ABLIM1: variants seen among roughly 807,000 people sequenced by gnomAD.
The protein encoded by ABLIM1 is actin-binding LIM protein 1.
Under a neutral mutation model 107.0 loss-of-function variants are expected in ABLIM1, and 40 were observed. The ratio of observed to expected loss-of-function variants is 0.37; its 90% CI spans 0.29 to 0.49. The LOEUF (loss-of-function observed/expected upper bound fraction) is 0.49, where lower values mean the gene tolerates loss of function less well. ABLIM1 is among the 20% of genes least tolerant of loss of function. ABLIM1 has a pLI of 0.97. For missense variants in ABLIM1, 857 were observed against 1,008.5 expected (o/e 0.85, Z 2.04); for synonymous variants, 357 against 357.3 (o/e 1.00, Z 0.01).
At chr10:114,779,043 A>G in the ABLIM1 span, 2 of 152,208 alleles carry the variant, frequency 1.3e-5, no homozygotes, top group South Asian at 4.1e-4. Flanking sequence ...CCTCATCTTC[A>G]GGGCTGTTTG....
At chr10:114,558,044 C>T (rs2069032932) in intron 4 of ABLIM1, among the ~76,000 whole-genome samples, 1 of 152,182 alleles carries the variant, frequency 6.6e-6, no homozygotes, top group Admixed American at 6.5e-5. Flanking sequence ...CTCCCATCTC[C>T]TTGGCTGAAG....
chr10:114,455,207 A>G (rs2062588368), intron 12 of ABLIM1, among the ~76,000 whole-genome samples: 1 of 152,204 alleles, frequency 6.6e-6, no homozygotes, highest in African/African-American at 2.4e-5. Context: ...TATTCCAAAT[A>G]TGGGATCTGT....
intron 3 of ABLIM1, among the ~76,000 whole-genome samples, chr10:114,574,596 C>T (rs1046942110): frequency 3.3e-5 from 5 of 152,008 alleles, no homozygotes; most frequent in Admixed American, 1.3e-4. Flanking sequence ...CCTGCCACCT[C>T]GCCTGGCTAA....
upstream of ABLIM1, among the ~76,000 whole-genome samples, chr10:114,687,903 A>C (rs2080980085): frequency 1.3e-5 from 2 of 151,758 alleles, no homozygotes; most frequent in Non-Finnish European, 2.9e-5. Context: ...AAAAGTAATG[A>C]TTTGGCATTT....
chr10:114,452,858 G>T (rs1011338819), intron 13 of ABLIM1, among the ~76,000 whole-genome samples: 2 of 152,226 alleles, frequency 1.3e-5, no homozygotes, highest in African/African-American at 4.8e-5. Context: ...GGGCTATGGA[G>T]ATGGCTAGTC....
chr10:114,724,634 T>C (rs1008029367), intron 1 of ABLIM1, among the ~76,000 whole-genome samples: 1 of 152,152 alleles, frequency 6.6e-6, no homozygotes, highest in African/African-American at 2.4e-5. Context: ...TTCAAGGCCT[T>C]CCAAGGTGAA....
chr10:114,510,621 C>A (rs1331689787), intron 6 of ABLIM1, among the ~76,000 whole-genome samples: 1 of 150,818 alleles, frequency 6.6e-6, no homozygotes, highest in East Asian at 1.9e-4. Flanking sequence ...CTACTGCTAC[C>A]TTCTCTAGGG....
chr10:114,632,798 G>C (rs1217323647), intron 1 of ABLIM1: 1 of 985,194 alleles, frequency 1.0e-6, no homozygotes, highest in African/African-American at 1.7e-5. Context: ...ATATACCAGG[G>C]AGGAACTCCA....
intron 5 of ABLIM1, 162 bp downstream of exon 5, chr10:114,547,488 C>T: frequency 1.1e-6 from 1 of 907,210 alleles, no homozygotes; most frequent in Non-Finnish European, 1.6e-6. Context: ...CAAAAGAATA[C>T]AATTCTTTTC....
rs1217406568 is a variant in ABLIM1, at chr10:114,599,619, C to CCA, written c.379+2206_379+2207dup. On this transcript the variant is annotated intron_variant, in intron 2 of 22. Transcript: ENST00000533213. ...AAACCCCATCTCTGCTGAAAAAAAA[C>CCA]CACACACACACACAAAAATTAGCTG... is the stretch of plus-strand genomic sequence containing the variant. Among the ~76,000 whole-genome samples, 191 of 150,946 alleles carry CCA rather than the reference C, an allele frequency of 1.3e-3. 4 individuals carry two copies. Among genetic ancestry groups the CCA allele is most frequent in the African/African-American group, 8.5e-4 (35 of 41,094 alleles).
At chr10:114,542,571 G>A (rs2066825029) in intron 6 of ABLIM1, among the ~76,000 whole-genome samples, 1 of 148,042 alleles carries the variant, frequency 6.8e-6, no homozygotes, top group Admixed American at 6.8e-5. Context: ...AGAGAAGGGA[G>A]GAGGACGAGG....
At chr10:114,786,827 C>T in the ABLIM1 span, among the ~76,000 whole-genome samples, 473 of 152,288 alleles carry the variant, frequency 3.1e-3, 1 homozygote, top group African/African-American at 0.011. Flanking sequence ...AGTGCAGTGG[C>T]GTGATCTCGG....
chr10:114,488,877 G>C (rs376986391), intron 7 of ABLIM1, among the ~76,000 whole-genome samples: 1 of 152,216 alleles, frequency 6.6e-6, no homozygotes, highest in East Asian at 1.9e-4. Flanking sequence ...ACACATTCAA[G>C]TGTGGGGATG....
In ABLIM1 at chr10:114,496,469, G is replaced by T. The variant is rs2059681039; in HGVS notation, c.895-4591C>A. On this transcript the variant is annotated intron_variant, in intron 6 of 22. Transcript: ENST00000533213. The stretch of plus-strand genomic sequence containing the variant: ...AACAATGAGAACACACGGACACAGG[G>T]AGGGGAACAACACACACTGGAGCCT... Among the ~76,000 whole-genome samples the T allele has an allele frequency of 2.0e-5, 3 of 151,898 alleles. No homozygotes were observed. In the South Asian group the frequency reaches 6.3e-4, roughly 32 times the overall value.
At chr10:114,528,655 T>G (rs2065129579) in intron 6 of ABLIM1, among the ~76,000 whole-genome samples, 1 of 152,238 alleles carries the variant, frequency 6.6e-6, no homozygotes, top group African/African-American at 2.4e-5. Context: ...CATGTTCACA[T>G]GCAGATTCCC....
chr10:114,741,216 CTT>C (rs751287379), intron 1 of ABLIM1, among the ~76,000 whole-genome samples: 1,624 of 59,478 alleles, frequency 0.027, 4 homozygotes, highest in African/African-American at 0.047. Flanking sequence ...GACTATTCTT[CTT>C]TTTTTTTTTT....
intron 6 of ABLIM1, among the ~76,000 whole-genome samples, chr10:114,511,379 T>C (rs1486377326): frequency 6.6e-6 from 1 of 151,988 alleles, no homozygotes; most frequent in Non-Finnish European, 1.5e-5. Context: ...AAAAAATTTT[T>C]TTTTGAGACA....
intron 10 of ABLIM1, among the ~76,000 whole-genome samples, chr10:114,468,826 C>T (rs546493415): frequency 7.7e-4 from 117 of 151,406 alleles, no homozygotes; most frequent in Non-Finnish European, 1.3e-3. Flanking sequence ...CTGAGGCTGG[C>T]GGACCACAAG....
At chr10:114,719,981 A>G (rs1345809718) in intron 1 of ABLIM1, among the ~76,000 whole-genome samples, 1 of 152,216 alleles carries the variant, frequency 6.6e-6, no homozygotes, top group Non-Finnish European at 1.5e-5. Flanking sequence ...TCACCTAGGT[A>G]TTAAGCCCAG....
Sources: allele counts gnomAD v4.1 joint callset (sites outside exome capture counted in the v4.1 genomes callset), GRCh38; gene constraint gnomAD v4.1.1; transcripts MANE v1.5; gene names NCBI Gene and HGNC (gene_info 2026-07-23, HGNC 2026-07-21).